P4HA3: variants seen among roughly 807,000 people sequenced by gnomAD.
P4HA3 encodes prolyl 4-hydroxylase subunit alpha 3.
Under a neutral mutation model 66.7 loss-of-function variants are expected in P4HA3, and 60 were observed. That is an observed-to-expected ratio of 0.90 (90% confidence interval 0.73 to 1.12). P4HA3 has a LOEUF of 1.12. Among genes scored for constraint, P4HA3 ranks in the 50% most tolerant of loss-of-function variants. The pLI is 0.00. For synonymous variants in P4HA3, 263 were observed against 274.6 expected, an observed-to-expected ratio of 0.96 and a Z score of 0.42; for missense variants, 683 against 685.8, an observed-to-expected ratio of 1.00 and a Z score of 0.05.
intron 5 of P4HA3, among the ~76,000 whole-genome samples, chr11:74,288,418 T>C (rs1339686043): frequency 6.6e-6 from 1 of 152,242 alleles, no homozygotes; most frequent in Non-Finnish European, 1.5e-5. Flanking sequence ...CATTCATTCT[T>C]GGGTCTGCTT....
intron 11 of P4HA3, among the ~76,000 whole-genome samples, chr11:74,269,153 C>T (rs1478559673): frequency 2.0e-5 from 3 of 151,706 alleles, no homozygotes; most frequent in Non-Finnish European, 4.4e-5. Flanking sequence ...AGGAAATACT[C>T]ATTCATGAAG....
At chr11:74,289,928 G>C (rs897020734) in intron 4 of P4HA3, among the ~76,000 whole-genome samples, 6 of 152,272 alleles carry the variant, frequency 3.9e-5, no homozygotes, top group Non-Finnish European at 8.8e-5. Flanking sequence ...CTTTATAGCA[G>C]CATGATTTAT....
At chr11:74,297,373 C>T (rs1282168128) in intron 4 of P4HA3, among the ~76,000 whole-genome samples, 1 of 152,002 alleles carries the variant, frequency 6.6e-6, no homozygotes, top group Non-Finnish European at 1.5e-5. Context: ...TTTGGAGCAC[C>T]CACATCCTCC....
At chr11:74,303,499 T>C (rs1249924353) in intron 2 of P4HA3, among the ~76,000 whole-genome samples, 1 of 151,882 alleles carries the variant, frequency 6.6e-6, no homozygotes, top group East Asian at 1.9e-4. Context: ...CAGGCTAGTC[T>C]CGAACTCCTG....
intron 15 of P4HA3, chr11:74,252,426 G>T: frequency 2.2e-6 from 1 of 454,774 alleles, no homozygotes; most frequent in South Asian, 1.6e-5. Flanking sequence ...GTGTTGCACA[G>T]TGTCTTCCCA....
intron 9 of P4HA3, among the ~76,000 whole-genome samples, chr11:74,275,715 C>T (rs1261442592): frequency 6.6e-6 from 1 of 152,100 alleles, no homozygotes. Flanking sequence ...AAAAATAAAC[C>T]TCCTGGAATT....
chr11:74,284,741 G>A (rs1026083876), intron 7 of P4HA3, among the ~76,000 whole-genome samples: 6 of 152,104 alleles, frequency 3.9e-5, no homozygotes, highest in African/African-American at 7.2e-5. Context: ...GCTGATGCCT[G>A]TCTGGTTTGT....
In P4HA3 at chr11:74,289,135, T is replaced by TAAAA; in HGVS notation, c.718-9_718-6dup. On this transcript the variant is annotated splice_polypyrimidine_tract_variant and splice_region_variant and intron_variant, in intron 4 of 12. Transcript: ENST00000331597. ...GGCACACGAAACATTTCCTGCCTGT[T>TAAAA]AAAAAAAAAAAAAAGAAAAGAAAGC... 2.8e-5 allele frequency: 39 copies of TAAAA among 1,377,672 alleles called. No homozygotes were observed. The highest frequency in any genetic ancestry group is 1.2e-4 in the South Asian group (9 of 72,884). 85.3% of individuals were successfully genotyped at this position (1,377,672 alleles called of 1,614,324 possible).
intron 12 of P4HA3, among the ~76,000 whole-genome samples, chr11:74,267,660 G>A (rs1397197810): frequency 6.6e-6 from 1 of 152,134 alleles, no homozygotes; most frequent in East Asian, 1.9e-4. Flanking sequence ...AAAACGGGTG[G>A]CATCTCCTGG....
chr11:74,273,512 G>A (rs370673419), intron 10 of P4HA3, 33 bp downstream of exon 10: 6 of 1,450,972 alleles, frequency 4.1e-6, no homozygotes, highest in Non-Finnish European at 5.5e-6. Context: ...GCTATAGTCA[G>A]TCATGAAGTA....
At position 74,311,446 on chromosome 11, in the gene P4HA3, G is replaced by C; in HGVS notation, c.166C>G (p.Arg56Gly). 1 of 1,538,636 alleles carries C rather than the reference G, an allele frequency of 6.5e-7. No homozygotes were observed. Among genetic ancestry groups the C allele is most frequent in the Non-Finnish European group, 8.7e-7 (1 of 1,149,804 alleles). The change falls in exon 1 of 13, where the codon CGC (arginine) becomes GGC (glycine). Residue 56 changes from arginine (R) to glycine (G), a missense_variant. Physicochemically the swap from Arg to Gly is moderately radical, Grantham distance 125. Coordinates refer to ENST00000331597, the MANE Select transcript of P4HA3 (RefSeq NM_182904.5). ...TCCCGCAGCCGCGCCTCCTCCCCGC[G>C]CAGGTACCGCCTCAGCAGCCCCAGC... Reference protein sequence around the residue: ...RLLGLLRRYLRGEEARLRDLT... With the variant: ...RLLGLLRRYLGGEEARLRDLT...
intron 5 of P4HA3, among the ~76,000 whole-genome samples, chr11:74,288,742 A>T (rs571526130): frequency 9.3e-4 from 141 of 152,108 alleles, no homozygotes; most frequent in Non-Finnish European, 1.6e-3. Flanking sequence ...TGAGGTTAGG[A>T]GTTTGAGACC....
rs778367295 is a variant in P4HA3 at position 74,251,031 on chromosome 11, C to T, written c.*1319-3030G>A. 4 of 1,585,012 alleles carry T rather than the reference C, an allele frequency of 2.5e-6. No individual in the cohort carries two copies. The East Asian group carries it at 6.9e-5, about 27-fold the overall frequency. ...TGCCCCTGACAAGGTGAGTCTGGTG[C>T]TCAGTGACTGTAAAAGGACAACTGT... is the stretch of plus-strand genomic sequence containing the variant. On this transcript the variant is annotated intron_variant and NMD_transcript_variant, in intron 15 of 15. Transcript: ENST00000524388.
chr11:74,289,219 AT>A, intron 4 of P4HA3, 89 bp from the exon 5 acceptor site: 11 of 973,436 alleles, frequency 1.1e-5, no homozygotes, highest in Non-Finnish European at 1.6e-5. Flanking sequence ...AAAAAAAAAG[AT>A]AAAATATTCT....
intron 4 of P4HA3, among the ~76,000 whole-genome samples, chr11:74,293,450 A>T (rs769568414): frequency 5.9e-5 from 9 of 152,152 alleles, no homozygotes; most frequent in Non-Finnish European, 1.3e-4. Context: ...ATTTACATTT[A>T]AGGTTAATAT....
chr11:74,277,125 C>G lies in P4HA3; in HGVS notation c.1195G>C (p.Val399Leu), dbSNP rs758082413. The change falls in exon 9 of 13, where the codon GTT becomes CTT. Residue 399 changes from valine to leucine, a missense_variant. Transcript: ENST00000331597. ...ISKSAWLKDTVDPKLVTLNHR... is the reference protein window; with the variant it reads ...ISKSAWLKDTLDPKLVTLNHR... ...TTGAGGGTCACCAGTTTTGGGTCAA[C>G]AGTGTCCTTCAGCCAGGCACTAAAA... 1 of 1,613,852 alleles carries G rather than the reference C, an allele frequency of 6.2e-7. No individual in the cohort carries two copies. The highest frequency in any genetic ancestry group is 1.7e-5 in the Admixed American group (1 of 59,962).
intron 1 of P4HA3, 195 bp downstream of exon 1, chr11:74,311,216 AG>A: frequency 1.6e-6 from 1 of 623,630 alleles, no homozygotes; most frequent in African/African-American, 2.0e-5. Context: ...CAATGGGTCT[AG>A]GGGGTCACAC....
At chr11:74,297,763 A>G (rs1435366143) in intron 4 of P4HA3, among the ~76,000 whole-genome samples, 1 of 152,246 alleles carries the variant, frequency 6.6e-6, no homozygotes, top group Non-Finnish European at 1.5e-5. Context: ...GCAGATGGGA[A>G]AAGCTCATAA....
At chr11:74,303,424 C>A (rs1333419376) in intron 2 of P4HA3, among the ~76,000 whole-genome samples, 2 of 150,780 alleles carry the variant, frequency 1.3e-5, no homozygotes, top group Admixed American at 1.3e-4. Flanking sequence ...CTTCCCAAGT[C>A]TACAGGCATG....
Sources: gnomAD v4.1 joint callset for allele counts (sites outside exome capture counted in the v4.1 genomes callset) on GRCh38, gnomAD v4.1.1 for gene constraint, MANE v1.5 for transcripts, NCBI Gene and HGNC (gene_info 2026-07-23, HGNC 2026-07-21) for gene names.